Variants in TMEM272 observed in about 807,000 individuals in gnomAD.
The protein encoded by TMEM272 is long intergenic non-protein coding RNA 282.
TMEM272 carries 8 observed loss-of-function variants against 3.7 expected under a neutral mutation model. That is an observed-to-expected ratio of 2.17 (90% confidence interval 1.27 to 3.91). TMEM272 has a LOEUF of 3.91. Ranked by LOEUF, TMEM272 falls within the 30% of genes most tolerant of loss-of-function variation. The pLI is 0.00. For missense variants in TMEM272, 166 were observed against 91.5 expected (o/e 1.81, Z -3.32); for synonymous variants, 63 against 39.8 (o/e 1.58, Z -2.20).
the TMEM272 span, among the ~76,000 whole-genome samples, chr13:51,905,570 T>G: frequency 6.6e-6 from 1 of 152,142 alleles, no homozygotes; most frequent in Non-Finnish European, 1.5e-5. Context: ...GGGCAAGCCC[T>G]CCCTCGCAGC....
the TMEM272 span, among the ~76,000 whole-genome samples, chr13:51,877,732 A>C: frequency 2.0e-5 from 3 of 152,216 alleles, no homozygotes; most frequent in African/African-American, 7.2e-5. Flanking sequence ...TATTTGCTGC[A>C]AATTCTTTTC....
At chr13:51,921,845 A>G in the TMEM272 span, among the ~76,000 whole-genome samples, 2 of 152,164 alleles carry the variant, frequency 1.3e-5, no homozygotes, top group African/African-American at 4.8e-5. Context: ...ATTTTCTCAG[A>G]AACTCAACCT....
At chr13:51,921,856 G>A in the TMEM272 span, among the ~76,000 whole-genome samples, 1 of 152,162 alleles carries the variant, frequency 6.6e-6, no homozygotes, top group African/African-American at 2.4e-5. Flanking sequence ...AACTCAACCT[G>A]ATGTAATCTT....
chr13:51,847,113 T>C (rs1956311126), upstream of TMEM272, among the ~76,000 whole-genome samples: 1 of 152,206 alleles, frequency 6.6e-6, no homozygotes, highest in Admixed American at 6.5e-5. Context: ...ATGTGTAGTA[T>C]TTTCTACGTT....
At chr13:51,930,135 C>CA in the TMEM272 span, among the ~76,000 whole-genome samples, 19 of 152,120 alleles carry the variant, frequency 1.2e-4, no homozygotes, top group African/African-American at 4.1e-4. Flanking sequence ...CTTCCCCCCC[C>CA]CCACTTTCTA....
chr13:51,815,301 G>A lies in TMEM272; in HGVS notation c.*1450C>T, dbSNP rs1452521096. The A allele has an allele frequency of 6.6e-6, 1 of 152,652 alleles. No homozygotes were observed. Among genetic ancestry groups the A allele is most frequent in the Non-Finnish European group, 1.5e-5 (1 of 68,086 alleles). 9.5% of individuals were successfully genotyped at this position (152,652 alleles called of 1,614,324 possible). A position where few individuals can be genotyped will look rare whatever the true frequency, so the allele number is the denominator to read the frequency against. ...GCTGTTCTTCCTTTGTCCAGCAGAT[G>A]GCACACCAAGCACTTTCTTCTCACC... On this transcript the variant is annotated 3_prime_UTR_variant, in exon 5 of 5. Transcript: ENST00000629372.
intron 1 of TMEM272, among the ~76,000 whole-genome samples, chr13:51,843,699 C>G (rs1350066451): frequency 1.3e-5 from 2 of 152,192 alleles, no homozygotes; most frequent in Non-Finnish European, 2.9e-5. Flanking sequence ...TGTGAACAAA[C>G]AGTGACTTAC....
At chr13:51,928,014 C>A in the TMEM272 span, among the ~76,000 whole-genome samples, 1 of 152,094 alleles carries the variant, frequency 6.6e-6, no homozygotes, top group South Asian at 2.1e-4. Context: ...GTGCTATTAA[C>A]CTCCCCTACA....
chr13:51,884,458 T>C, the TMEM272 span, among the ~76,000 whole-genome samples: 2 of 152,230 alleles, frequency 1.3e-5, no homozygotes, highest in Non-Finnish European at 2.9e-5. Flanking sequence ...TGAACAAATA[T>C]GTGAAATGAA....
the TMEM272 span, among the ~76,000 whole-genome samples, chr13:51,900,416 C>T: frequency 6.6e-6 from 1 of 152,074 alleles, no homozygotes; most frequent in Non-Finnish European, 1.5e-5. Context: ...AAATCAAAAC[C>T]ACAATGACAT....
chr13:51,932,164 C>T, the TMEM272 span, among the ~76,000 whole-genome samples: 1 of 152,260 alleles, frequency 6.6e-6, no homozygotes, highest in East Asian at 1.9e-4. Flanking sequence ...ACACTGTCAA[C>T]TCCCTTCAGG....
chr13:51,874,470 A>C, the TMEM272 span, among the ~76,000 whole-genome samples: 1 of 152,162 alleles, frequency 6.6e-6, no homozygotes, highest in Non-Finnish European at 1.5e-5. Context: ...ATACAGATGA[A>C]TGAAGGAAAG....
the TMEM272 span, among the ~76,000 whole-genome samples, chr13:51,874,168 C>A: frequency 6.6e-6 from 1 of 152,204 alleles, no homozygotes; most frequent in Non-Finnish European, 1.5e-5. Flanking sequence ...GAGCCCACAC[C>A]CTGCTGCAGG....
the TMEM272 span, among the ~76,000 whole-genome samples, chr13:51,893,091 C>T: frequency 6.6e-6 from 1 of 152,234 alleles, no homozygotes; most frequent in African/African-American, 2.4e-5. Context: ...CCTTAAACAT[C>T]CACCTGTCCT....
the TMEM272 span, among the ~76,000 whole-genome samples, chr13:51,856,407 A>T: frequency 1.4e-4 from 22 of 152,150 alleles, no homozygotes; most frequent in African/African-American, 5.1e-4. Context: ...CCATAATCCT[A>T]ATCTTGTGGC....
At chr13:51,902,102 G>A in the TMEM272 span, among the ~76,000 whole-genome samples, 1 of 152,220 alleles carries the variant, frequency 6.6e-6, no homozygotes, top group Non-Finnish European at 1.5e-5. Context: ...GACCTCTGGA[G>A]AAGCCATTTC....
chr13:51,884,697 C>T, the TMEM272 span, among the ~76,000 whole-genome samples: 1 of 152,172 alleles, frequency 6.6e-6, no homozygotes, highest in Non-Finnish European at 1.5e-5. Flanking sequence ...CTTCCCCTCG[C>T]TAGCTGTGAG....
chr13:51,910,588 A>G, the TMEM272 span: 1 of 652,062 alleles, frequency 1.5e-6, no homozygotes, highest in Non-Finnish European at 2.9e-6. Context: ...ACCAGCCCCA[A>G]GTACAGCTGA....
At chr13:51,827,419 A>G (rs1956135541) in intron 2 of TMEM272, among the ~76,000 whole-genome samples, 1 of 152,196 alleles carries the variant, frequency 6.6e-6, no homozygotes, top group Non-Finnish European at 1.5e-5. Flanking sequence ...AACTTTTGTG[A>G]TTAGGCAATT....
Sources: gnomAD v4.1 joint callset for allele counts (sites outside exome capture counted in the v4.1 genomes callset) on GRCh38, gnomAD v4.1.1 for gene constraint, MANE v1.5 for transcripts, NCBI Gene and HGNC (gene_info 2026-07-23, HGNC 2026-07-21) for gene names.